The following KCNK2 variants were observed in gnomAD, a reference collection of about 807,000 sequenced individuals.
KCNK2 encodes potassium two pore domain channel subfamily K member 2.
Under a neutral mutation model 40.5 loss-of-function variants are expected in KCNK2, and 21 were observed. That is an observed-to-expected ratio of 0.52 (90% CI 0.37 to 0.75). The LOEUF (loss-of-function observed/expected upper bound fraction) is 0.75. Among genes scored for constraint, KCNK2 ranks in the 30% least tolerant of loss-of-function variants. KCNK2 has a pLI of 0.00. For synonymous variants in KCNK2, 191 were observed against 202.2 expected (o/e 0.94, Z 0.47); for missense variants, 399 against 531.6 (o/e 0.75, Z 2.45).
At chr1:215,218,418 C>T (rs530688678) in intron 6 of KCNK2, among the ~76,000 whole-genome samples, 1 of 152,302 alleles carries the variant, frequency 6.6e-6, no homozygotes, top group South Asian at 2.1e-4. Flanking sequence ...AGTATCGCTA[C>T]CCGACTATGT....
intron 1 of KCNK2, among the ~76,000 whole-genome samples, chr1:215,061,711 G>T (rs1658367606): frequency 6.6e-6 from 1 of 152,032 alleles, no homozygotes; most frequent in African/African-American, 2.4e-5. Flanking sequence ...AGTTAATTTT[G>T]TAGTTTGGAT....
intron 6 of KCNK2, among the ~76,000 whole-genome samples, chr1:215,196,551 T>C (rs1399183745): frequency 7.2e-5 from 11 of 152,220 alleles, no homozygotes; most frequent in Admixed American, 7.2e-4. Context: ...AATTGAAATA[T>C]TTTTATTATA....
intron 5 of KCNK2, among the ~76,000 whole-genome samples, chr1:215,190,330 G>T (rs1209983921): frequency 6.6e-6 from 1 of 152,086 alleles, no homozygotes; most frequent in East Asian, 1.9e-4. Context: ...AGGAGAAGAG[G>T]CATGCCTTGT....
intron 2 of KCNK2, among the ~76,000 whole-genome samples, chr1:215,088,789 T>C (rs1571897575): frequency 3.3e-5 from 5 of 152,312 alleles, no homozygotes; most frequent in African/African-American, 1.2e-4. Context: ...GAAATCAAAA[T>C]ATGACCTAAT....
chr1:215,230,530 T>TAACAGCC (rs1558150308), intron 6 of KCNK2, among the ~76,000 whole-genome samples: 1 of 75,534 alleles, frequency 1.3e-5, no homozygotes, highest in Non-Finnish European at 2.4e-5. Context: ...TATATATATA[T>TAACAGCC]ATGTATATAT....
chr1:215,159,415 C>G (rs1349184183), intron 3 of KCNK2, among the ~76,000 whole-genome samples: 1 of 152,154 alleles, frequency 6.6e-6, no homozygotes, highest in African/African-American at 2.4e-5. Flanking sequence ...TGAGGAGACA[C>G]TGGGTGGACA....
At chr1:215,054,546 G>A (rs1362618774) in intron 1 of KCNK2, among the ~76,000 whole-genome samples, 2 of 152,196 alleles carry the variant, frequency 1.3e-5, no homozygotes, top group African/African-American at 4.8e-5. Flanking sequence ...AGGCTGCACT[G>A]CACACCCACC....
intron 5 of KCNK2, among the ~76,000 whole-genome samples, chr1:215,184,743 A>T (rs1452505521): frequency 6.6e-6 from 1 of 152,130 alleles, no homozygotes; most frequent in Admixed American, 6.5e-5. Context: ...GGTCCCTTTC[A>T]TGACAGGTGG....
rs6656165 is a variant in KCNK2, at chr1:215,094,787, T to C, written c.357+8109T>C. Among the ~76,000 whole-genome samples the C allele has an allele frequency of 2.7e-3, 414 of 152,200 alleles. 4 individuals carry two copies. The highest frequency in any genetic ancestry group is 9.5e-3 in the African/African-American group (396 of 41,544). ...TGGATACAAAATGAGAAAAATGCCA[T>C]ATAAGTGGTATATATCAATAAAATA... On this transcript the variant is annotated intron_variant, in intron 2 of 6. Coordinates refer to ENST00000444842, the MANE Select transcript of KCNK2 (RefSeq NM_001017425.3).
intron 2 of KCNK2, among the ~76,000 whole-genome samples, chr1:215,089,418 G>A (rs1659599407): frequency 6.6e-6 from 1 of 152,278 alleles, no homozygotes; most frequent in South Asian, 2.1e-4. Flanking sequence ...GGACAGAGGA[G>A]GAAGTGAGTG....
At chr1:215,080,228 C>T (rs916897095), upstream of KCNK2, among the ~76,000 whole-genome samples, 2 of 152,172 alleles carry the variant, frequency 1.3e-5, no homozygotes, top group African/African-American at 2.4e-5. Flanking sequence ...AACTATTAAT[C>T]TCCCAGTCTA....
At chr1:215,193,133 T>C (rs1454056057) in intron 5 of KCNK2, among the ~76,000 whole-genome samples, 2 of 152,184 alleles carry the variant, frequency 1.3e-5, no homozygotes, top group Non-Finnish European at 2.9e-5. Context: ...TTTTAATATA[T>C]ACTTGCAATT....
chr1:215,067,146 C>T (rs1901623), intron 1 of KCNK2, among the ~76,000 whole-genome samples: 77,838 of 151,886 alleles, frequency 0.51, 20,733 homozygotes, highest in South Asian at 0.81. Context: ...AAAGCAAGTC[C>T]GCCAACTGTT....
At chr1:215,139,130 G>C (rs1043213637) in intron 3 of KCNK2, among the ~76,000 whole-genome samples, 5 of 152,156 alleles carry the variant, frequency 3.3e-5, no homozygotes, top group Non-Finnish European at 7.3e-5. Context: ...GCAGTGTAAA[G>C]AATGTAGAGT....
At position 215,083,237 on chromosome 1, in the gene KCNK2, C is replaced by CCCCCCT; in HGVS notation, c.-149_-148insCCCCCT. ...CCGCGTCCAGCCCCGCTCTCCCCAC[C>CCCCCCT]TTGTAAAACAAAGCCGGGGAAAATG... On this transcript the variant is annotated 5_prime_UTR_variant, in exon 1 of 7. Transcript: ENST00000444842. 1 of 1,600,598 alleles carries CCCCCCT rather than the reference C, an allele frequency of 6.2e-7. No individual in the cohort carries two copies. Among genetic ancestry groups the CCCCCCT allele is most frequent in the Non-Finnish European group, 8.5e-7 (1 of 1,172,052 alleles).
chr1:215,195,943 A>G (rs1465234901), intron 6 of KCNK2, among the ~76,000 whole-genome samples: 1 of 152,174 alleles, frequency 6.6e-6, no homozygotes, highest in East Asian at 1.9e-4. Flanking sequence ...CTATTCCTAG[A>G]CCACAGATAT....
chr1:215,124,854 T>C (rs1661347830), intron 3 of KCNK2, 104 bp downstream of exon 3: 2 of 700,060 alleles, frequency 2.9e-6, no homozygotes, highest in East Asian at 2.5e-5. Flanking sequence ...CTACTTAAGG[T>C]AGAAAAACTA....
chr1:215,128,910 A>G (rs748307310), intron 3 of KCNK2, among the ~76,000 whole-genome samples: 4 of 152,230 alleles, frequency 2.6e-5, no homozygotes, highest in Non-Finnish European at 5.9e-5. Context: ...AAGATGGAAC[A>G]TGGATTTTTA....
intron 3 of KCNK2, among the ~76,000 whole-genome samples, chr1:215,165,920 A>G (rs1409500273): frequency 6.6e-6 from 1 of 152,154 alleles, no homozygotes; most frequent in East Asian, 1.9e-4. Flanking sequence ...GCTATAATAT[A>G]CTGCTAAACT....
Sources: gnomAD v4.1 joint callset for allele counts (sites outside exome capture counted in the v4.1 genomes callset) on GRCh38, gnomAD v4.1.1 for gene constraint, MANE v1.5 for transcripts, NCBI Gene and HGNC (gene_info 2026-07-23, HGNC 2026-07-21) for gene names.